The following LUZP2 variants were observed in gnomAD, a reference collection of about 807,000 sequenced individuals.
The protein encoded by LUZP2 is leucine zipper protein 2.
A neutral mutation model predicts 51.6 loss-of-function variants in LUZP2; 52 were observed. The ratio of observed to expected loss-of-function variants is 1.01; its 90% CI spans 0.81 to 1.27. The LOEUF (loss-of-function observed/expected upper bound fraction) is 1.27. Among genes scored for constraint, LUZP2 ranks in the 50% most tolerant of loss-of-function variants. LUZP2 has a pLI of 0.00. For missense variants in LUZP2, 436 were observed against 395.4 expected, an observed-to-expected ratio of 1.10 and a Z score of -0.87; for synonymous variants, 154 against 137.3, an observed-to-expected ratio of 1.12 and a Z score of -0.85.
intron 7 of LUZP2, among the ~76,000 whole-genome samples, chr11:24,968,240 G>C (rs1364994400): frequency 6.6e-6 from 1 of 152,018 alleles, no homozygotes; most frequent in Non-Finnish European, 1.5e-5. Flanking sequence ...AACATTTGCT[G>C]TAAGTGAACA....
intron 4 of LUZP2, among the ~76,000 whole-genome samples, chr11:24,752,071 A>G (rs1047385499): frequency 6.6e-6 from 1 of 152,188 alleles, no homozygotes; most frequent in African/African-American, 2.4e-5. Flanking sequence ...ATACTGAGAT[A>G]GAAAATATAA....
At chr11:24,531,638 G>C (rs1851003685) in intron 1 of LUZP2, among the ~76,000 whole-genome samples, 1 of 150,772 alleles carries the variant, frequency 6.6e-6, no homozygotes, top group Non-Finnish European at 1.5e-5. Context: ...ACTTCTGTGA[G>C]TAGAACTTTT....
chr11:24,988,872 T>C (rs149983224), intron 9 of LUZP2, among the ~76,000 whole-genome samples: 46 of 152,106 alleles, frequency 3.0e-4, no homozygotes, highest in African/African-American at 1.1e-3. Flanking sequence ...ATCGGAGTTT[T>C]AGAAGGTTAT....
chr11:24,551,096 G>A (rs560166004), intron 1 of LUZP2, among the ~76,000 whole-genome samples: 1 of 152,082 alleles, frequency 6.6e-6, no homozygotes, highest in Non-Finnish European at 1.5e-5. Context: ...TTACATATGA[G>A]TATACATTTA....
chr11:24,747,548 C>G (rs1859425985), intron 4 of LUZP2, among the ~76,000 whole-genome samples: 1 of 152,076 alleles, frequency 6.6e-6, no homozygotes, highest in African/African-American at 2.4e-5. Flanking sequence ...GAGGCCCTTT[C>G]CAGAGAGCAT....
intron 7 of LUZP2, among the ~76,000 whole-genome samples, chr11:24,924,011 G>A (rs1460669754): frequency 2.0e-5 from 3 of 151,940 alleles, no homozygotes; most frequent in Non-Finnish European, 4.4e-5. Context: ...TGGATTCAGT[G>A]AGGGCTGATC....
At chr11:24,777,282 C>T (rs1188395072) in intron 5 of LUZP2, among the ~76,000 whole-genome samples, 3 of 151,914 alleles carry the variant, frequency 2.0e-5, no homozygotes, top group East Asian at 1.9e-4. Flanking sequence ...CTTGAGCCAC[C>T]GCGCCCGGCC....
intron 5 of LUZP2, among the ~76,000 whole-genome samples, chr11:24,845,112 A>G (rs886824610): frequency 3.3e-5 from 5 of 152,270 alleles, no homozygotes; most frequent in Middle Eastern, 3.4e-3. Flanking sequence ...GCATCTGGAA[A>G]AGCAGCAGAC....
intron 1 of LUZP2, among the ~76,000 whole-genome samples, chr11:24,540,587 TC>T (rs1251402074): frequency 2.0e-5 from 3 of 152,126 alleles, no homozygotes; most frequent in Non-Finnish European, 4.4e-5. Context: ...AAAATAAATT[TC>T]TGTTGTTTGA....
At chr11:24,982,249 C>T (rs534244754) in intron 8 of LUZP2, among the ~76,000 whole-genome samples, 124 of 151,912 alleles carry the variant, frequency 8.2e-4, no homozygotes, top group African/African-American at 2.9e-3. Context: ...CCAGCCATCC[C>T]GTTACTGGGT....
At chr11:24,957,213 C>T (rs1855236450) in intron 7 of LUZP2, among the ~76,000 whole-genome samples, 1 of 151,940 alleles carries the variant, frequency 6.6e-6, no homozygotes, top group Non-Finnish European at 1.5e-5. Context: ...TCTCTTTGAT[C>T]CTAATTCTTT....
rs7113316 is a variant in LUZP2, at chr11:24,920,879, C to T, written c.522+6341C>T. Among the ~76,000 whole-genome samples, 1,067 of 151,970 alleles carry T rather than the reference C, an allele frequency of 7.0e-3. 7 individuals are homozygous for T. Among genetic ancestry groups the T allele is most frequent in the Admixed American group, 0.012 (190 of 15,224 alleles). On this transcript the variant is annotated intron_variant, in intron 7 of 11. Transcript: ENST00000336930. The stretch of plus-strand genomic sequence containing the variant: ...TTTGAGTGATGGATACACTGAAAGC[C>T]CAGACATCACCACAATGCAATATAT...
intron 5 of LUZP2, among the ~76,000 whole-genome samples, chr11:24,790,803 A>G (rs1293211611): frequency 1.3e-5 from 2 of 152,108 alleles, no homozygotes; most frequent in South Asian, 2.1e-4. Flanking sequence ...CACACAGCCA[A>G]TCCTTTTATT....
chr11:24,687,132 A>G (rs1856920808), intron 1 of LUZP2, among the ~76,000 whole-genome samples: 1 of 152,154 alleles, frequency 6.6e-6, no homozygotes. Context: ...TTATGTAGAG[A>G]TATCTGTTCT....
intron 1 of LUZP2, among the ~76,000 whole-genome samples, chr11:24,571,393 G>A (rs934101126): frequency 6.6e-6 from 1 of 152,008 alleles, no homozygotes; most frequent in African/African-American, 2.4e-5. Context: ...CAATGTCCTA[G>A]GAAAAGGATG....
intron 5 of LUZP2, among the ~76,000 whole-genome samples, chr11:24,895,747 T>C (rs1194428298): frequency 6.6e-6 from 1 of 152,236 alleles, no homozygotes; most frequent in African/African-American, 2.4e-5. Context: ...TCCACCATTG[T>C]TGGGCACCTA....
chr11:24,739,290 G>T (rs1859050994), intron 4 of LUZP2, among the ~76,000 whole-genome samples: 2 of 152,018 alleles, frequency 1.3e-5, no homozygotes, highest in South Asian at 2.1e-4. Context: ...GGTTGGCTTT[G>T]GGGCATAGCA....
chr11:24,727,886 A>G (rs1333203142), intron 1 of LUZP2, among the ~76,000 whole-genome samples: 2 of 152,052 alleles, frequency 1.3e-5, no homozygotes, highest in East Asian at 1.9e-4. Flanking sequence ...TCTATTCTAG[A>G]TGAGATGAAC....
At chr11:24,506,790 C>T (rs1381049445) in intron 1 of LUZP2, among the ~76,000 whole-genome samples, 1 of 151,962 alleles carries the variant, frequency 6.6e-6, no homozygotes, top group Non-Finnish European at 1.5e-5. Flanking sequence ...AATGACTATC[C>T]CATATTCCCC....
Sources: gnomAD v4.1 joint callset for allele counts (sites outside exome capture counted in the v4.1 genomes callset) on GRCh38, gnomAD v4.1.1 for gene constraint, MANE v1.5 for transcripts, NCBI Gene and HGNC (gene_info 2026-07-23, HGNC 2026-07-21) for gene names.